KCNQ3: variants seen among roughly 807,000 people sequenced by gnomAD.
The protein encoded by KCNQ3 is potassium voltage-gated channel subfamily Q member 3.
A neutral mutation model predicts 92.5 loss-of-function variants in KCNQ3; 30 were observed. The observed-to-expected ratio is 0.32, with a 90% confidence interval of 0.24 to 0.44. The LOEUF is 0.44. Among genes scored for constraint, KCNQ3 ranks in the 20% least tolerant of loss-of-function variants. The probability of loss-of-function intolerance (pLI) is 1.00; values close to 1 mark genes in which losing one functional copy is unlikely to be tolerated. For missense variants in KCNQ3, 913 were observed against 1,140.3 expected (o/e 0.80, Z 2.87); for synonymous variants, 450 against 468.8 (o/e 0.96, Z 0.52).
chr8:132,247,085 C>A (rs923549760), intron 1 of KCNQ3, among the ~76,000 whole-genome samples: 1 of 152,192 alleles, frequency 6.6e-6, no homozygotes, highest in African/African-American at 2.4e-5. Flanking sequence ...TGTCTCTATA[C>A]CCACAGCATC....
intron 9 of KCNQ3, among the ~76,000 whole-genome samples, chr8:132,161,376 C>T (rs1276052887): frequency 6.6e-6 from 1 of 152,108 alleles, no homozygotes; most frequent in East Asian, 1.9e-4. Flanking sequence ...TGCCTGTAAT[C>T]CCAGCACTAT....
chr8:132,300,687 T>C (rs932460941), intron 1 of KCNQ3, among the ~76,000 whole-genome samples: 2 of 152,180 alleles, frequency 1.3e-5, no homozygotes, highest in African/African-American at 4.8e-5. Context: ...CCACGCAACA[T>C]GCACTAAAAC....
At chr8:132,457,917 T>G (rs1409712374) in intron 1 of KCNQ3, among the ~76,000 whole-genome samples, 3 of 152,166 alleles carry the variant, frequency 2.0e-5, no homozygotes, top group Non-Finnish European at 4.4e-5. Context: ...TGCTCCCACA[T>G]CTGACAGCAG....
At chr8:132,419,276 A>T (rs1820902915) in intron 1 of KCNQ3, among the ~76,000 whole-genome samples, 1 of 152,200 alleles carries the variant, frequency 6.6e-6, no homozygotes, top group African/African-American at 2.4e-5. Flanking sequence ...TTCAGCTGTA[A>T]AAACTTTGAA....
intron 1 of KCNQ3, among the ~76,000 whole-genome samples, chr8:132,262,470 T>C (rs960466626): frequency 6.6e-6 from 1 of 152,176 alleles, no homozygotes; most frequent in Non-Finnish European, 1.5e-5. Context: ...AACATCTCGA[T>C]GAAGGTGTCA....
chr8:132,207,092 C>A (rs1338306557), intron 1 of KCNQ3, among the ~76,000 whole-genome samples: 1 of 152,178 alleles, frequency 6.6e-6, no homozygotes, highest in African/African-American at 2.4e-5. Flanking sequence ...CTTCCAATTG[C>A]ATGTTATTAT....
At chr8:132,455,644 A>C (rs1008899817) in intron 1 of KCNQ3, among the ~76,000 whole-genome samples, 1 of 152,236 alleles carries the variant, frequency 6.6e-6, no homozygotes, top group African/African-American at 2.4e-5. Flanking sequence ...GTCCTAGCAG[A>C]TACTTACACT....
At chr8:132,206,878 T>A (rs1375453812) in intron 1 of KCNQ3, among the ~76,000 whole-genome samples, 1 of 152,192 alleles carries the variant, frequency 6.6e-6, no homozygotes, top group African/African-American at 2.4e-5. Context: ...TTCCTTCTAC[T>A]AATTTTGGGC....
At chr8:132,309,306 G>A (rs141533230) in intron 1 of KCNQ3, among the ~76,000 whole-genome samples, 15 of 152,144 alleles carry the variant, frequency 9.9e-5, no homozygotes, top group African/African-American at 2.4e-4. Flanking sequence ...CTAGAGAACC[G>A]TAATACACTA....
intron 9 of KCNQ3, among the ~76,000 whole-genome samples, chr8:132,160,049 T>G (rs1048016813): frequency 2.6e-5 from 4 of 152,126 alleles, no homozygotes; most frequent in African/African-American, 9.7e-5. Flanking sequence ...CAGGCAATCA[T>G]CATAGGATCA....
At chr8:132,406,929 A>T (rs1820500458) in intron 1 of KCNQ3, among the ~76,000 whole-genome samples, 1 of 152,236 alleles carries the variant, frequency 6.6e-6, no homozygotes, top group Non-Finnish European at 1.5e-5. Flanking sequence ...TGACATATGA[A>T]GGACAAAGGG....
At chr8:132,173,439 C>A (rs1826447588) in intron 6 of KCNQ3, among the ~76,000 whole-genome samples, 2 of 152,066 alleles carry the variant, frequency 1.3e-5, no homozygotes. Flanking sequence ...GAGATTGTTA[C>A]TTAAAAGTTT....
rs1824727228 is a variant in KCNQ3 at position 132,128,041 on chromosome 8, C to T, written c.*1221G>A. The T allele has an allele frequency of 6.6e-6, 1 of 152,168 alleles. No homozygotes were observed. The highest frequency in any genetic ancestry group is 1.5e-5 in the Non-Finnish European group (1 of 68,044). 9.4% of individuals were successfully genotyped at this position (152,168 alleles called of 1,614,324 possible). On this transcript the variant is annotated 3_prime_UTR_variant, in exon 15 of 15. Coordinates refer to ENST00000388996, the MANE Select transcript of KCNQ3 (RefSeq NM_004519.4). ...TAGATCTGAAATGCATTGCATCAAG[C>T]AAGCATGTTTTGCAATAAAAGTGGA...
At chr8:132,184,454 A>G in intron 2 of KCNQ3, 87 bp from the exon 3 acceptor site, 1 of 1,518,684 alleles carries the variant, frequency 6.6e-7, no homozygotes, top group Non-Finnish European at 9.0e-7. Flanking sequence ...GTTCTGAAGA[A>G]CTCCATTTTG....
chr8:132,156,411 A>G (rs575401503), intron 9 of KCNQ3, among the ~76,000 whole-genome samples: 3 of 152,182 alleles, frequency 2.0e-5, no homozygotes, highest in Non-Finnish European at 4.4e-5. Flanking sequence ...CTCTGTCCTC[A>G]GTCCCTACGG....
chr8:132,213,767 C>A (rs1169724265), intron 1 of KCNQ3, among the ~76,000 whole-genome samples: 2 of 152,206 alleles, frequency 1.3e-5, no homozygotes, highest in Non-Finnish European at 2.9e-5. Context: ...GTAACAAAGA[C>A]CCCAAGTCCA....
chr8:132,300,303 GA>G (rs1817175657), intron 1 of KCNQ3, among the ~76,000 whole-genome samples: 1 of 152,144 alleles, frequency 6.6e-6, no homozygotes, highest in Non-Finnish European at 1.5e-5. Context: ...CAGAATGTTG[GA>G]AGTGTTGGCC....
rs76976028 is a variant in KCNQ3 at position 132,346,738 on chromosome 8, C to T, written c.386+133409G>A. 5.2e-3 allele frequency among the ~76,000 whole-genome samples: 790 copies of T among 152,292 alleles called. 7 individuals are homozygous for T. Among genetic ancestry groups the T allele is most frequent in the African/African-American group, 0.018 (765 of 41,558 alleles). ...TACCCCAAAGCCACAGGGTCTCCTA[C>T]CAGACTTGTTTAACCTGCAGGACAG... On this transcript the variant is annotated intron_variant, in intron 1 of 14. Coordinates refer to ENST00000388996, the MANE Select transcript of KCNQ3 (RefSeq NM_004519.4).
chr8:132,189,610 T>G (rs1177222276), intron 1 of KCNQ3, among the ~76,000 whole-genome samples: 1 of 152,082 alleles, frequency 6.6e-6, no homozygotes, highest in Non-Finnish European at 1.5e-5. Context: ...GTGGATCGCC[T>G]GAGGTCGGGA....
Sources: gnomAD v4.1 joint callset for allele counts (sites outside exome capture counted in the v4.1 genomes callset) on GRCh38, gnomAD v4.1.1 for gene constraint, MANE v1.5 for transcripts, NCBI Gene and HGNC (gene_info 2026-07-23, HGNC 2026-07-21) for gene names.